EVC: variants seen among roughly 807,000 people sequenced by gnomAD.
The protein encoded by EVC is EvC ciliary complex subunit 1.
EVC carries 116 observed loss-of-function variants against 118.9 expected under a neutral mutation model. The observed-to-expected ratio is 0.98, with a 90% confidence interval of 0.84 to 1.14. The LOEUF (loss-of-function observed/expected upper bound fraction) is 1.14, where lower values mean the gene tolerates loss of function less well. Ranked by LOEUF, EVC falls within the 50% of genes most tolerant of loss-of-function variation. The pLI is 0.00. For missense variants in EVC, 1,401 were observed against 1,246.4 expected (o/e 1.12, Z -1.87); for synonymous variants, 619 against 534.7 (o/e 1.16, Z -2.18).
At chr4:5,800,213 T>C (rs1036167158) in intron 15 of EVC, among the ~76,000 whole-genome samples, 2 of 152,076 alleles carry the variant, frequency 1.3e-5, no homozygotes, top group African/African-American at 4.8e-5. Context: ...GGTGTAGTGG[T>C]GTGCGCCTGT....
At chr4:5,734,655 TCAAAAAA>T (rs1430452791) in intron 5 of EVC, among the ~76,000 whole-genome samples, 1 of 152,040 alleles carries the variant, frequency 6.6e-6, no homozygotes, top group Non-Finnish European at 1.5e-5. Context: ...ACATCCTGTC[TCAAAAAA>T]CAAAAAACAA....
rs184491894 is a variant in EVC, at chr4:5,744,826, C to T, written c.802-378C>T. On this transcript the variant is annotated intron_variant, in intron 6 of 20. Coordinates refer to ENST00000264956, the MANE Select transcript of EVC (RefSeq NM_153717.3). Reference sequence around the variant, plus strand: ...CCAATCAAATACACACCACTTCCTGCCCTGGGGTGTTGTTCTTTCCCAGGA... The same window carrying T: ...CCAATCAAATACACACCACTTCCTGTCCTGGGGTGTTGTTCTTTCCCAGGA... 2.2e-4 allele frequency among the ~76,000 whole-genome samples: 33 copies of T among 152,266 alleles called. No homozygotes were observed. The East Asian group carries it at 6.4e-3, about 29-fold the overall frequency.
At chr4:5,790,548 C>G (rs1309005792) in intron 12 of EVC, among the ~76,000 whole-genome samples, 1 of 152,122 alleles carries the variant, frequency 6.6e-6, no homozygotes, top group Non-Finnish European at 1.5e-5. Flanking sequence ...GTCTTGCTGA[C>G]TTAGGTGCAT....
At chr4:5,759,973 A>G (rs963535613) in intron 11 of EVC, among the ~76,000 whole-genome samples, 1 of 151,442 alleles carries the variant, frequency 6.6e-6, no homozygotes. Flanking sequence ...AACTTGAAGC[A>G]AAGACAGGAA....
At chr4:5,777,738 T>C (rs1734916370) in intron 11 of EVC, among the ~76,000 whole-genome samples, 1 of 152,192 alleles carries the variant, frequency 6.6e-6, no homozygotes, top group South Asian at 2.1e-4. Context: ...CATATGCCCT[T>C]GTCATGGTCA....
At chr4:5,810,589 T>A (rs868360477) in intron 20 of EVC, 139 bp downstream of exon 20, 3 of 739,082 alleles carry the variant, frequency 4.1e-6, no homozygotes, top group Non-Finnish European at 7.2e-6. Context: ...ATGACAGATA[T>A]GAACGTAATT....
At chr4:5,771,018 AAAAAG>A (rs1339083139) in intron 11 of EVC, among the ~76,000 whole-genome samples, 3 of 152,014 alleles carry the variant, frequency 2.0e-5, no homozygotes, top group Non-Finnish European at 2.9e-5. Flanking sequence ...TTTCAAAAAA[AAAAAG>A]AAAAGAAAAT....
intron 18 of EVC, among the ~76,000 whole-genome samples, chr4:5,808,653 C>T (rs1008708538): frequency 1.3e-5 from 2 of 152,228 alleles, no homozygotes; most frequent in African/African-American, 4.8e-5. Context: ...CACCAGGAGG[C>T]TTCCGGTGTA....
At chr4:5,815,943 A>T (rs1717606116), downstream of EVC, among the ~76,000 whole-genome samples, 1 of 151,884 alleles carries the variant, frequency 6.6e-6, no homozygotes, top group South Asian at 2.1e-4. Flanking sequence ...AGGAACGCTG[A>T]GTATATACTT....
intron 12 of EVC, among the ~76,000 whole-genome samples, chr4:5,786,516 C>T (rs1361191464): frequency 6.6e-6 from 1 of 152,098 alleles, no homozygotes; most frequent in African/African-American, 2.4e-5. Context: ...TAAGTATGAC[C>T]CAAGACTGTT....
At chr4:5,744,734 A>G (rs915994768) in intron 6 of EVC, among the ~76,000 whole-genome samples, 9 of 152,298 alleles carry the variant, frequency 5.9e-5, no homozygotes, top group Middle Eastern at 3.4e-3. Context: ...CACCAGAGCA[A>G]TGGCCTCCCC....
At chr4:5,825,003 T>G in the EVC span, 3 of 985,264 alleles carry the variant, frequency 3.0e-6, no homozygotes, top group Non-Finnish European at 3.6e-6. The surrounding 1 kb of genome is among the most constrained non-coding windows in gnomAD (Gnocchi z 4.4). Flanking sequence ...CGTTTCCTCT[T>G]TAAATAAATA....
chr4:5,753,764 T>C lies in EVC; in HGVS notation c.1316-21T>C, dbSNP rs1466872494. The C allele has an allele frequency of 3.1e-6, 5 of 1,614,156 alleles. No individual in the cohort carries two copies. The South Asian group carries it at 3.3e-5, about 11-fold the overall frequency. ...TGGCTCACAGAGTCACCTCCTATGC[T>C]GTGGCTTTTTTCAATCCCAGAGTTT... On this transcript the variant is annotated intron_variant, in intron 9 of 20. Transcript: ENST00000264956.
At chr4:5,774,627 G>C (rs966450191) in intron 11 of EVC, among the ~76,000 whole-genome samples, 13 of 152,006 alleles carry the variant, frequency 8.6e-5, no homozygotes, top group African/African-American at 2.9e-4. Context: ...GTTTGAATGC[G>C]GCTGCAGAGG....
At chr4:5,815,548 G>A (rs1717537010), downstream of EVC, among the ~76,000 whole-genome samples, 1 of 152,080 alleles carries the variant, frequency 6.6e-6, no homozygotes, top group African/African-American at 2.4e-5. Context: ...CACTGTCTTG[G>A]GAGTGATCCT....
chr4:5,753,058 C>T lies in EVC; in HGVS notation c.1315+6C>T, dbSNP rs1560341078. ...GGCAGAGCGCTTCAGCCGGGGTGAG[C>T]CGTGGGCATGGGTGCCGCCGTCCAC... On this transcript the variant is annotated splice_donor_region_variant and intron_variant, in intron 9 of 20. Transcript: ENST00000264956. 1.3e-6 allele frequency: 2 copies of T among 1,581,706 alleles called. No individual in the cohort carries two copies.
chr4:5,725,325 T>C (rs1181006804), intron 2 of EVC, among the ~76,000 whole-genome samples: 1 of 152,246 alleles, frequency 6.6e-6, no homozygotes, highest in African/African-American at 2.4e-5. Context: ...GTTGAACTAA[T>C]TTACATTCCC....
intron 2 of EVC, among the ~76,000 whole-genome samples, chr4:5,729,045 TATCCATCC>T (rs1334274019): frequency 6.6e-6 from 1 of 152,102 alleles, no homozygotes; most frequent in South Asian, 2.1e-4. Flanking sequence ...TCTGTCTACC[TATCCATCC>T]ATCCACCTGT....
intron 11 of EVC, among the ~76,000 whole-genome samples, chr4:5,773,953 A>G (rs1229414819): frequency 6.6e-6 from 1 of 152,086 alleles, no homozygotes; most frequent in Non-Finnish European, 1.5e-5. Flanking sequence ...CAGGGGCCAG[A>G]CCATGTCCAG....
Sources: gnomAD v4.1 joint callset for allele counts (sites outside exome capture counted in the v4.1 genomes callset) on GRCh38, gnomAD v4.1.1 for gene constraint, Gnocchi (gnomAD v3.1) non-coding constraint, MANE v1.5 for transcripts, NCBI Gene and HGNC (gene_info 2026-07-23, HGNC 2026-07-21) for gene names.